The following LRMDA variants were observed in gnomAD, a reference collection of about 807,000 sequenced individuals.
The protein encoded by LRMDA is leucine-rich melanocyte differentiation-associated protein.
LRMDA carries 18 observed loss-of-function variants against 29.8 expected under a neutral mutation model. The ratio of observed to expected loss-of-function variants is 0.60; its 90% CI spans 0.42 to 0.90. The LOEUF (loss-of-function observed/expected upper bound fraction) is 0.90, where lower values mean the gene tolerates loss of function less well. Ranked by LOEUF, LRMDA falls within the 40% of genes least tolerant of loss-of-function variation. The pLI is 0.00. For synonymous variants in LRMDA, 125 were observed against 109.4 expected (o/e 1.14, Z -0.89); for missense variants, 273 against 273.9 (o/e 1.00, Z 0.02).
chr10:76,353,330 T>TTGTGTGTGTGTG (rs3998122), intron 6 of LRMDA, among the ~76,000 whole-genome samples: 13 of 146,192 alleles, frequency 8.9e-5, no homozygotes, highest in African/African-American at 3.3e-4. Flanking sequence ...AGCTGTGGAG[T>TTGTGTGTGTGTG]TGTGTGTGTG....
In LRMDA at chr10:76,559,248, C is replaced by CTT. The variant is rs1415447756; in HGVS notation, c.*1961_*1962dup. ...ACAGAATTTTTCCATCTTTATTTTTCTTACTTGTTTACTTTTTTTAATGTC... is the reference window on the plus strand; with the variant it reads ...ACAGAATTTTTCCATCTTTATTTTTCTTTTACTTGTTTACTTTTTTTAATGTC... On this transcript the variant is annotated 3_prime_UTR_variant, in exon 7 of 7. Coordinates refer to ENST00000611255, the MANE Select transcript of LRMDA (RefSeq NM_001305581.2). 1 of 152,068 alleles carries CTT rather than the reference C, an allele frequency of 6.6e-6. No individual in the cohort carries two copies. The highest frequency in any genetic ancestry group is 1.5e-5 in the Non-Finnish European group (1 of 67,986). 9.4% of individuals were successfully genotyped at this position (152,068 alleles called of 1,614,324 possible). A position where few individuals can be genotyped will look rare whatever the true frequency, so the allele number is the denominator to read the frequency against.
intron 2 of LRMDA, among the ~76,000 whole-genome samples, chr10:75,523,835 G>A (rs948942999): frequency 3.9e-5 from 6 of 152,032 alleles, no homozygotes; most frequent in African/African-American, 1.5e-4. Context: ...CCCTTCCTGA[G>A]GCACCATTCC....
chr10:75,983,613 G>T (rs1847211988), intron 2 of LRMDA, among the ~76,000 whole-genome samples: 1 of 152,130 alleles, frequency 6.6e-6, no homozygotes. Context: ...ATAGGTATGT[G>T]TATATGTGTG....
At chr10:75,735,604 G>A (rs1461349905) in intron 2 of LRMDA, among the ~76,000 whole-genome samples, 2 of 152,140 alleles carry the variant, frequency 1.3e-5, no homozygotes, top group East Asian at 1.9e-4. Flanking sequence ...CCTGTGTTCT[G>A]TGGTGATTTG....
At chr10:76,445,299 C>T (rs545764092) in intron 6 of LRMDA, among the ~76,000 whole-genome samples, 21 of 152,298 alleles carry the variant, frequency 1.4e-4, no homozygotes, top group African/African-American at 5.1e-4. Flanking sequence ...TCTAGTTGTA[C>T]TGCCTGCTTT....
At chr10:75,490,336 TACAC>T (rs56077469) in intron 2 of LRMDA, among the ~76,000 whole-genome samples, 38,441 of 148,364 alleles carry the variant, frequency 0.26, 5,255 homozygotes, top group Non-Finnish European at 0.31. Flanking sequence ...CATGTACACA[TACAC>T]ACACACACAC....
chr10:75,721,733 T>G (rs1159025575), intron 2 of LRMDA, among the ~76,000 whole-genome samples: 1 of 152,222 alleles, frequency 6.6e-6, no homozygotes, highest in Non-Finnish European at 1.5e-5. Flanking sequence ...ATTTACAACT[T>G]AATTTTCAAC....
intron 2 of LRMDA, among the ~76,000 whole-genome samples, chr10:75,541,190 C>A (rs1389972348): frequency 6.6e-6 from 1 of 152,064 alleles, no homozygotes; most frequent in African/African-American, 2.4e-5. Flanking sequence ...GTCCCAGGGC[C>A]TTATGAGATA....
At chr10:76,443,373 C>G (rs1191017918) in intron 6 of LRMDA, among the ~76,000 whole-genome samples, 1 of 152,214 alleles carries the variant, frequency 6.6e-6, no homozygotes, top group Non-Finnish European at 1.5e-5. Context: ...GGCATCACAT[C>G]TTCGAGATAA....
chr10:75,944,244 C>T (rs1194359019), intron 2 of LRMDA, among the ~76,000 whole-genome samples: 1 of 152,104 alleles, frequency 6.6e-6, no homozygotes, highest in Admixed American at 6.5e-5. Flanking sequence ...CATCTCTGGC[C>T]TCCATTGTTT....
At chr10:75,973,639 C>T (rs151000320) in intron 2 of LRMDA, among the ~76,000 whole-genome samples, 4 of 152,096 alleles carry the variant, frequency 2.6e-5, no homozygotes, top group South Asian at 2.1e-4. Context: ...AGGCTGGTCT[C>T]GAATTCCTGA....
At chr10:76,256,740 A>T (rs925238788) in intron 5 of LRMDA, among the ~76,000 whole-genome samples, 1 of 152,204 alleles carries the variant, frequency 6.6e-6, no homozygotes, top group Non-Finnish European at 1.5e-5. Flanking sequence ...ACATTTTAAC[A>T]CACTTAAAAG....
At chr10:76,119,798 T>C (rs894094876) in intron 5 of LRMDA, among the ~76,000 whole-genome samples, 4 of 152,224 alleles carry the variant, frequency 2.6e-5, no homozygotes, top group African/African-American at 9.6e-5. Context: ...TTTGGTATAA[T>C]AATTCGTCAT....
intron 2 of LRMDA, among the ~76,000 whole-genome samples, chr10:75,856,119 G>T (rs191112920): frequency 0.013 from 2,018 of 152,242 alleles, 49 homozygotes; most frequent in African/African-American, 0.046. Flanking sequence ...TTGGTAGCTT[G>T]ATGGGGATGG....
chr10:76,357,760 C>T (rs1249236415), intron 6 of LRMDA, among the ~76,000 whole-genome samples: 2 of 152,182 alleles, frequency 1.3e-5, no homozygotes, highest in Admixed American at 1.3e-4. Context: ...CCTAGAGACC[C>T]ACATTTCCAG....
intron 3 of LRMDA, among the ~76,000 whole-genome samples, chr10:76,042,038 G>T (rs1358229316): frequency 6.6e-6 from 1 of 152,200 alleles, no homozygotes; most frequent in Admixed American, 6.5e-5. Flanking sequence ...TGACAAAAAA[G>T]AAATGTGAGA....
At chr10:75,444,410 A>G (rs1844365660) in intron 2 of LRMDA, among the ~76,000 whole-genome samples, 1 of 152,198 alleles carries the variant, frequency 6.6e-6, no homozygotes, top group African/African-American at 2.4e-5. Flanking sequence ...TAAAAGGCTC[A>G]CACGTTCCTC....
chr10:76,416,816 G>A (rs1322579241), intron 6 of LRMDA, among the ~76,000 whole-genome samples: 1 of 152,152 alleles, frequency 6.6e-6, no homozygotes, highest in African/African-American at 2.4e-5. Context: ...CTGTTGGTTT[G>A]TAGTTAGTGA....
At chr10:76,482,062 A>AT (rs886111340) in intron 6 of LRMDA, among the ~76,000 whole-genome samples, 19 of 151,630 alleles carry the variant, frequency 1.3e-4, no homozygotes, top group African/African-American at 4.6e-4. Context: ...TGCCTGTCCA[A>AT]TTTTTTCTCT....
Sources: allele counts gnomAD v4.1 joint callset (sites outside exome capture counted in the v4.1 genomes callset), GRCh38; gene constraint gnomAD v4.1.1; transcripts MANE v1.5; gene names NCBI Gene and HGNC (gene_info 2026-07-23, HGNC 2026-07-21).